KRT17: variants seen among roughly 807,000 people sequenced by gnomAD.
KRT17 encodes keratin 17, also known as keratin, type I cytoskeletal 17.
In KRT17, 29 loss-of-function variants were observed where a neutral mutation model predicts 45.6. The observed-to-expected ratio is 0.64, with a 90% confidence interval of 0.47 to 0.87. KRT17 has a LOEUF of 0.87. Ranked by LOEUF, KRT17 falls within the 40% of genes least tolerant of loss-of-function variation. The pLI is 0.00. For missense variants in KRT17, 536 were observed against 577.8 expected (o/e 0.93, Z 0.74); for synonymous variants, 219 against 234.6 (o/e 0.93, Z 0.61).
rs267607413 is a variant in KRT17 at position 41,620,728 on chromosome 17, A to G, written c.1112T>C (p.Leu371Pro). Residue 371 changes from leucine to proline, a missense_variant, in exon 6 of 8, where the codon CTG becomes CCG. Transcript: ENST00000311208. Reference protein sequence around the residue: ...EQQNQEYKILLDVKTRLEQEI... With the variant: ...EQQNQEYKILPDVKTRLEQEI... Reference sequence around the variant, plus strand: ...CTGCTCCAGCCGCGTCTTCACATCCAGCAGGATTTTGTATTCCTGGTTCTG... The same window carrying G: ...CTGCTCCAGCCGCGTCTTCACATCCGGCAGGATTTTGTATTCCTGGTTCTG... The G allele has an allele frequency of 2.4e-5, 39 of 1,612,278 alleles. No individual in the cohort carries two copies. Among genetic ancestry groups the G allele is most frequent in the Non-Finnish European group, 3.2e-5 (38 of 1,179,862 alleles).
chr17:41,620,448 C>T lies in KRT17; in HGVS notation c.1204+88G>A, dbSNP rs1908495954. On this transcript the variant is annotated intron_variant, in intron 7 of 7. Transcript: ENST00000311208. ...GAGGGACAGCCATCAACTCCTGGAG[C>T]TCCTGGGGACCCTGCCCCAGCAACG... The T allele has an allele frequency of 6.2e-6, 10 of 1,610,622 alleles. No individual in the cohort carries two copies. In the South Asian group the frequency reaches 9.9e-5, roughly 16 times the overall value.
chr17:41,624,136 G>C lies in KRT17; in HGVS notation c.374C>G (p.Pro125Arg), dbSNP rs754908705. Residue 125 changes from proline (P) to arginine (R), a missense_variant, in exon 1 of 8, where the codon CCG (proline) becomes CGG (arginine). By Grantham distance (103) the Pro-to-Arg change is moderately radical. Coordinates refer to ENST00000311208, the MANE Select transcript of KRT17 (RefSeq NM_000422.3). The stretch of plus-strand genomic sequence containing the variant: ...CTGGCTGTAGTCACGGGCGGGCCCC[G>C]GGGCCTGCCTCTGGTACCAGTCACG... The part of the protein sequence containing the change: ...KIRDWYQRQA[P>R]GPARDYSQYY... The C allele has an allele frequency of 1.2e-5, 19 of 1,611,848 alleles. No homozygotes were observed. The Admixed American group carries it at 1.7e-4, about 14-fold the overall frequency.
chr17:41,619,567 G>A lies in KRT17; in HGVS notation c.*27C>T. 1.2e-6 allele frequency: 2 copies of A among 1,611,904 alleles called. No homozygotes were observed. The highest frequency in any genetic ancestry group is 2.2e-5 in the East Asian group (1 of 44,884). On this transcript the variant is annotated 3_prime_UTR_variant, in exon 8 of 8. Transcript: ENST00000311208. ...TGGGGCGGCTGCCTCCCTGCCTCCTGGGTGGCCGGCCGGGGTAGCTGAGTC... is the reference window on the plus strand; with the variant it reads ...TGGGGCGGCTGCCTCCCTGCCTCCTAGGTGGCCGGCCGGGGTAGCTGAGTC...
rs759621290 is a variant in KRT17, at chr17:41,624,104, T to G, written c.406A>C (p.Arg136=). Residue 136 remains arginine, a synonymous_variant, in exon 1 of 8, where the codon AGG becomes CGG. Transcript: ENST00000311208. ...TTGTTCTGCAGCTCCTCAATTGTCC[T>G]GTAGTACTGGCTGTAGTCACGGGCG... ...GPARDYSQYY[R]TIEELQNKIL... 6.2e-7 allele frequency: 1 copy of G among 1,612,114 alleles called. No individual in the cohort carries two copies. Among genetic ancestry groups the G allele is most frequent in the East Asian group, 2.2e-5 (1 of 44,864 alleles).
At position 41,624,386 on chromosome 17, in the gene KRT17, G is replaced by A; in HGVS notation, c.124C>T (p.Leu42=). The change falls in exon 1 of 8, where the codon CTG becomes TTG. Residue 42 remains leucine, a synonymous_variant. Coordinates refer to ENST00000311208, the MANE Select transcript of KRT17 (RefSeq NM_000422.3). ...CTGCCCAGGCCGCCAGCAGATCCCA[G>A]CCTGCAGGAGCCGGCACCCAGGCCG... The part of the protein sequence containing the change: ...SGGLGAGSCR[L]GSAGGLGSTL... 1 of 1,610,704 alleles carries A rather than the reference G, an allele frequency of 6.2e-7. No individual in the cohort carries two copies. The highest frequency in any genetic ancestry group is 8.5e-7 in the Non-Finnish European group (1 of 1,179,606).
At position 41,621,700 on chromosome 17, in the gene KRT17, C is replaced by T. The variant is rs751296003; in HGVS notation, c.727G>A (p.Ala243Thr). 4 of 1,612,124 alleles carry T rather than the reference C, an allele frequency of 2.5e-6. No individual in the cohort carries two copies. Among genetic ancestry groups the T allele is most frequent in the Admixed American group, 1.7e-5 (1 of 60,002 alleles). The change falls in exon 4 of 8, where the codon GCT becomes ACT. Residue 243 changes from alanine (A) to threonine (T), a missense_variant. Coordinates refer to ENST00000311208, the MANE Select transcript of KRT17 (RefSeq NM_000422.3). ...VGGEINVEMD[A>T]APGVDLSRIL... ...CGGCTCAGGTCCACGCCTGGGGCAG[C>T]GTCCATCTCCACATTGATCTCACCA...
rs1259017500 is a variant in KRT17 at position 41,622,945 on chromosome 17, C to T, written c.515+5G>A. 3 of 1,611,428 alleles carry T rather than the reference C, an allele frequency of 1.9e-6. No individual in the cohort carries two copies. The highest frequency in any genetic ancestry group is 1.7e-6 in the Non-Finnish European group (2 of 1,179,022). ...AGGCTGCCCAAGGCCACAGCTAGGACTCACTTGGTGCGGAAGTCATCAGCA... is the reference window on the plus strand; with the variant it reads ...AGGCTGCCCAAGGCCACAGCTAGGATTCACTTGGTGCGGAAGTCATCAGCA... On this transcript the variant is annotated splice_donor_5th_base_variant and intron_variant, in intron 2 of 7. Transcript: ENST00000311208.
At position 41,620,770 on chromosome 17, in the gene KRT17, C is replaced by T. The variant is rs770339581; in HGVS notation, c.1070G>A (p.Arg357His). 10 of 1,612,782 alleles carry T rather than the reference C, an allele frequency of 6.2e-6. No individual in the cohort carries two copies. The East Asian group carries it at 6.7e-5, about 11-fold the overall frequency. The part of the protein sequence containing the change: ...GSVEEQLAQL[R>H]CEMEQQNQEY... ...CTGGTTCTGCTGCTCCATCTCGCAG[C>T]GAAGCTGGGCCAGCTGCTCCTCCAC... The change falls in exon 6 of 8, where the codon CGC becomes CAC. Residue 357 changes from arginine (R) to histidine (H), a missense_variant. Transcript: ENST00000311208.
At position 41,621,824 on chromosome 17, in the gene KRT17, C is replaced by G. The variant is rs182241469; in HGVS notation, c.673-70G>C. 64 of 1,574,608 alleles carry G rather than the reference C, an allele frequency of 4.1e-5. 1 individual carries two copies. The highest frequency in any genetic ancestry group is 2.3e-4 in the Admixed American group (14 of 59,614). ...GACCTCTCACTCCCAAGCCTTCCCC[C>G]ACAAGGGGACCCCACTTCCCACAAG... On this transcript the variant is annotated intron_variant, in intron 3 of 7. Coordinates refer to ENST00000311208, the MANE Select transcript of KRT17 (RefSeq NM_000422.3).
intron 7 of KRT17, chr17:41,620,311 C>T (rs1908493229): frequency 1.0e-6 from 1 of 985,388 alleles, no homozygotes. Flanking sequence ...CTAGGATCTC[C>T]AAGGTAAGGA....
chr17:41,622,189 C>T, intron 3 of KRT17, 166 bp downstream of exon 3: 1 of 883,548 alleles, frequency 1.1e-6, no homozygotes, highest in Non-Finnish European at 1.9e-6. Context: ...GTCTGCCCTG[C>T]ACACTGGACC....
intron 4 of KRT17, 27 bp from the exon 5 acceptor site, chr17:41,621,118 G>A: frequency 6.2e-7 from 1 of 1,613,064 alleles, no homozygotes; most frequent in Non-Finnish European, 8.5e-7. Flanking sequence ...GGACAGGGCG[G>A]TGTGAGCCTG....
rs2144611641 is a variant in KRT17, at chr17:41,619,790, C to T, written c.1205-102G>A. ...AGCCGGCTCTCTCCCTCATCCTCCC[C>T]CAGGTGCTGTGAGTGCCTCCACTGG... is the stretch of plus-strand genomic sequence containing the variant. On this transcript the variant is annotated intron_variant, in intron 7 of 7. Transcript: ENST00000311208. The T allele has an allele frequency of 6.3e-6, 10 of 1,589,560 alleles. No individual in the cohort carries two copies. The East Asian group carries it at 2.1e-4, about 33-fold the overall frequency.
intron 7 of KRT17, chr17:41,620,084 T>C (rs1908485985): frequency 1.0e-6 from 1 of 985,208 alleles, no homozygotes; most frequent in Non-Finnish European, 1.2e-6. Context: ...TCTCCTCCAT[T>C]AGACTAGGAA....
intron 4 of KRT17, among the ~76,000 whole-genome samples, chr17:41,621,392 A>G (rs973325620): frequency 1.3e-5 from 2 of 151,862 alleles, no homozygotes; most frequent in African/African-American, 4.8e-5. Context: ...ATTCTGAGGG[A>G]GCTCCCTACC....
Position 41,620,771 on chromosome 17 carries a change from G to A in KRT17, c.1069C>T (p.Arg357Cys), listed in dbSNP as rs374932182. The A allele has an allele frequency of 2.2e-5, 36 of 1,612,670 alleles. No homozygotes were observed. Among genetic ancestry groups the A allele is most frequent in the South Asian group, 3.3e-5 (3 of 91,016 alleles). The change falls in exon 6 of 8, where the codon CGC becomes TGC. Residue 357 changes from arginine to cysteine, a missense_variant. Coordinates refer to ENST00000311208, the MANE Select transcript of KRT17 (RefSeq NM_000422.3). Reference sequence around the variant, plus strand: ...TGGTTCTGCTGCTCCATCTCGCAGCGAAGCTGGGCCAGCTGCTCCTCCACG... The same window carrying A: ...TGGTTCTGCTGCTCCATCTCGCAGCAAAGCTGGGCCAGCTGCTCCTCCACG... ...GSVEEQLAQL[R>C]CEMEQQNQEY...
At chr17:41,623,870 C>G (rs940081623) in intron 1 of KRT17, among the ~76,000 whole-genome samples, 4 of 152,234 alleles carry the variant, frequency 2.6e-5, no homozygotes, top group African/African-American at 7.2e-5. Flanking sequence ...CACAAGGCCT[C>G]TTTGTTCCTG....
At position 41,621,588 on chromosome 17, in the gene KRT17, C is replaced by A. The variant is rs190234778; in HGVS notation, c.834+5G>T. 9 of 1,611,896 alleles carry A rather than the reference C, an allele frequency of 5.6e-6. No individual in the cohort carries two copies. In the East Asian group the frequency reaches 2.0e-4, roughly 36 times the overall value. ...GAGAGCCCTCTGGCCTGCAGCACCCCCCACCTTGCTGAAGAACCAATCCTC... is the reference window on the plus strand; with the variant it reads ...GAGAGCCCTCTGGCCTGCAGCACCCACCACCTTGCTGAAGAACCAATCCTC... On this transcript the variant is annotated splice_donor_5th_base_variant and intron_variant, in intron 4 of 7. Coordinates refer to ENST00000311208, the MANE Select transcript of KRT17 (RefSeq NM_000422.3).
intron 4 of KRT17, 100 bp from the exon 5 acceptor site, chr17:41,621,191 C>A: frequency 7.0e-7 from 1 of 1,433,364 alleles, no homozygotes; most frequent in East Asian, 2.3e-5. Context: ...GCCTTCTCAC[C>A]AGCTTCCCAC....
Sources: gnomAD v4.1 joint callset for allele counts (sites outside exome capture counted in the v4.1 genomes callset) on GRCh38, gnomAD v4.1.1 for gene constraint, MANE v1.5 for transcripts, NCBI Gene and HGNC (gene_info 2026-07-23, HGNC 2026-07-21) for gene names.